LIFR: variants seen among roughly 807,000 people sequenced by gnomAD.
The protein encoded by LIFR is leukemia inhibitory factor receptor.
In LIFR, 84 loss-of-function variants were observed where a neutral mutation model predicts 122.2. That is an observed-to-expected ratio of 0.69 (90% CI 0.58 to 0.82). The LOEUF (loss-of-function observed/expected upper bound fraction) is 0.82. LIFR is among the 40% of genes least tolerant of loss of function. The pLI, the probability that LIFR is intolerant of heterozygous loss-of-function variation, is 0.00. For missense variants in LIFR, 1,294 were observed against 1,311.6 expected (o/e 0.99, Z 0.21); for synonymous variants, 422 against 434.7 (o/e 0.97, Z 0.36).
intron 1 of LIFR, among the ~76,000 whole-genome samples, chr5:38,540,256 T>C (rs547602636): frequency 2.0e-5 from 3 of 152,304 alleles, no homozygotes; most frequent in African/African-American, 7.2e-5. Context: ...CTTACGGTTG[T>C]TTTGTTTTCA....
At chr5:38,520,751 A>G (rs1255506901) in intron 5 of LIFR, among the ~76,000 whole-genome samples, 1 of 152,180 alleles carries the variant, frequency 6.6e-6, no homozygotes, top group Non-Finnish European at 1.5e-5. Flanking sequence ...CTATAAAAAC[A>G]TAGTTATTTC....
intron 1 of LIFR, among the ~76,000 whole-genome samples, chr5:38,563,151 C>G (rs1255077053): frequency 6.6e-6 from 1 of 152,106 alleles, no homozygotes; most frequent in Non-Finnish European, 1.5e-5. Flanking sequence ...TTCTGTGACA[C>G]GCCCAAGAAA....
At chr5:38,587,621 G>A (rs978139789) in intron 1 of LIFR, among the ~76,000 whole-genome samples, 1 of 152,188 alleles carries the variant, frequency 6.6e-6, no homozygotes, top group African/African-American at 2.4e-5. Flanking sequence ...GATGGTGGTG[G>A]TGGTGGTTGT....
chr5:38,523,667 A>C (rs934300702), intron 4 of LIFR, 85 bp from the exon 5 acceptor site: 2 of 1,069,276 alleles, frequency 1.9e-6, no homozygotes, highest in Non-Finnish European at 2.9e-6. Flanking sequence ...AACTACTTAT[A>C]AACTCTATTC....
chr5:38,605,952 C>T (rs1466173491), intron 2 of LIFR, among the ~76,000 whole-genome samples: 2 of 152,168 alleles, frequency 1.3e-5, no homozygotes, highest in Non-Finnish European at 2.9e-5. Context: ...ACCACCTCGT[C>T]GTCAGGACCT....
intron 1 of LIFR, among the ~76,000 whole-genome samples, chr5:38,541,312 A>G (rs929758804): frequency 1.3e-5 from 2 of 152,260 alleles, no homozygotes; most frequent in Non-Finnish European, 2.9e-5. Context: ...TGTGAGCTTG[A>G]TAACTGATCC....
At chr5:38,607,290 C>T (rs868079521) in intron 1 of LIFR, among the ~76,000 whole-genome samples, 1 of 152,182 alleles carries the variant, frequency 6.6e-6, no homozygotes, top group Non-Finnish European at 1.5e-5. Context: ...CCTGTGGGCT[C>T]ATTGTGCCTC....
intron 5 of LIFR, among the ~76,000 whole-genome samples, chr5:38,512,453 T>C (rs1176334571): frequency 6.6e-6 from 1 of 150,768 alleles, no homozygotes; most frequent in Non-Finnish European, 1.5e-5. Flanking sequence ...ACCCCATCTC[T>C]ACAAAAAAAT....
At chr5:38,563,637 A>G (rs1748911433) in intron 1 of LIFR, among the ~76,000 whole-genome samples, 1 of 152,188 alleles carries the variant, frequency 6.6e-6, no homozygotes, top group South Asian at 2.1e-4. Flanking sequence ...AACATTGAAC[A>G]TTTATTAAGC....
In LIFR at chr5:38,485,918, C is replaced by A. The variant is rs1345841901; in HGVS notation, c.2398G>T (p.Asp800Tyr). The stretch of plus-strand genomic sequence containing the variant: ...TGGTAACTTGTTTTACCTTGAAGAT[C>A]AGCAATTCTCAGTGTCTTCTGGGAT... ...DISQKTLRIADLQGKTSYHLV... is the reference protein window; with the variant it reads ...DISQKTLRIAYLQGKTSYHLV... Residue 800 changes from aspartate to tyrosine, a missense_variant, in exon 17 of 20, where the codon GAT (aspartate) becomes TAT (tyrosine). Asp to Tyr is a radical substitution (Grantham distance 160, BLOSUM62 -3). Coordinates refer to ENST00000453190, the MANE Select transcript of LIFR (RefSeq NM_001127671.2). 1.2e-6 allele frequency: 2 copies of A among 1,613,986 alleles called. No homozygotes were observed. Among genetic ancestry groups the A allele is most frequent in the Non-Finnish European group, 8.5e-7 (1 of 1,179,814 alleles).
intron 1 of LIFR, among the ~76,000 whole-genome samples, chr5:38,572,924 C>T (rs937547958): frequency 6.6e-6 from 1 of 152,204 alleles, no homozygotes; most frequent in East Asian, 1.9e-4. Flanking sequence ...ACAGTTCAAA[C>T]TGTGTGCATG....
intron 2 of LIFR, among the ~76,000 whole-genome samples, chr5:38,601,578 C>T (rs755889621): frequency 2.2e-4 from 33 of 148,622 alleles, no homozygotes; most frequent in Non-Finnish European, 2.0e-4. Context: ...ACGAACAGTA[C>T]ATCTGTACTG....
intron 10 of LIFR, among the ~76,000 whole-genome samples, chr5:38,503,150 C>T (rs1032661954): frequency 9.9e-5 from 15 of 151,894 alleles, no homozygotes; most frequent in African/African-American, 3.6e-4. Flanking sequence ...ATGCAATAAA[C>T]CTTAATGTGA....
At chr5:38,493,471 C>T in intron 14 of LIFR, 135 bp downstream of exon 14, 1 of 784,908 alleles carries the variant, frequency 1.3e-6, no homozygotes, top group Non-Finnish European at 2.2e-6. Context: ...GCTGCCACAA[C>T]TACCCTCCCA....
At chr5:38,581,222 A>G (rs928633884) in intron 1 of LIFR, among the ~76,000 whole-genome samples, 2 of 140,540 alleles carry the variant, frequency 1.4e-5, no homozygotes, top group Non-Finnish European at 3.2e-5. Flanking sequence ...TCTTTCTAAG[A>G]AAAAAAAAAA....
intron 1 of LIFR, among the ~76,000 whole-genome samples, chr5:38,552,810 C>T (rs1257196428): frequency 2.6e-5 from 4 of 152,128 alleles, no homozygotes; most frequent in African/African-American, 7.2e-5. Context: ...AAAAGACTCC[C>T]GAATCTAAGT....
chr5:38,520,983 C>T (rs1746368307), intron 5 of LIFR, among the ~76,000 whole-genome samples: 1 of 152,128 alleles, frequency 6.6e-6, no homozygotes, highest in African/African-American at 2.4e-5. Context: ...ATGACATTGG[C>T]ATTTTTGTAG....
chr5:38,490,423 C>A, intron 14 of LIFR, 132 bp from the exon 15 acceptor site: 2 of 457,184 alleles, frequency 4.4e-6, no homozygotes, highest in Non-Finnish European at 3.9e-6. Flanking sequence ...TTAAAAAATA[C>A]ATATATATTT....
rs1321096232 is a variant in LIFR at position 38,544,236 on chromosome 5, C to A, written c.-20+12098G>T. Among the ~76,000 whole-genome samples, 8 of 152,266 alleles carry A rather than the reference C, an allele frequency of 5.3e-5. No homozygotes were observed. The Middle Eastern group carries it at 0.01, about 194-fold the overall frequency. The stretch of plus-strand genomic sequence containing the variant: ...CCCCACCAATCCACTCCGCACAAAG[C>A]AGAACCTTTCAAAAACAGCCATCAG... On this transcript the variant is annotated intron_variant, in intron 1 of 19. Transcript: ENST00000453190.
Sources: gnomAD v4.1 joint callset for allele counts (sites outside exome capture counted in the v4.1 genomes callset) on GRCh38, gnomAD v4.1.1 for gene constraint, MANE v1.5 for transcripts, NCBI Gene and HGNC (gene_info 2026-07-23, HGNC 2026-07-21) for gene names.